Variants in TBK1 observed in about 807,000 individuals in gnomAD.
The protein encoded by TBK1 is TANK binding kinase 1.
A neutral mutation model predicts 99.9 loss-of-function variants in TBK1; 37 were observed. That is an observed-to-expected ratio of 0.37 (90% confidence interval 0.28 to 0.49). TBK1 has a LOEUF of 0.49. TBK1 is among the 20% of genes least tolerant of loss of function. The pLI, the probability that TBK1 is intolerant of heterozygous loss-of-function variation, is 0.98. For missense variants in TBK1, 644 were observed against 872.5 expected, an observed-to-expected ratio of 0.74 and a Z score of 3.30; for synonymous variants, 258 against 279.8, an observed-to-expected ratio of 0.92 and a Z score of 0.78.
chr12:64,484,258 A>G, intron 8 of TBK1, 45 bp from the exon 9 acceptor site: 1 of 1,345,982 alleles, frequency 7.4e-7, no homozygotes, highest in Non-Finnish European at 1.0e-6. Flanking sequence ...TTTGCCTCTC[A>G]CTTTATCCCC....
intron 15 of TBK1, 44 bp from the exon 16 acceptor site, chr12:64,496,323 T>G (rs1159962874): frequency 1.0e-6 from 1 of 958,616 alleles, no homozygotes. Flanking sequence ...TGTATAATAT[T>G]ATGATTCTAT....
chr12:64,463,856 AGTTTTTTTTTTTT>A (rs929854757), intron 3 of TBK1, among the ~76,000 whole-genome samples: 2 of 117,116 alleles, frequency 1.7e-5, no homozygotes, highest in African/African-American at 6.1e-5. Context: ...GGAAAATGTT[AGTTTTTTTTTTTT>A]GTTTTTTTTT....
At chr12:64,497,511 T>C (rs1454921723) in intron 18 of TBK1, 137 bp from the exon 19 acceptor site, 1 of 630,542 alleles carries the variant, frequency 1.6e-6, no homozygotes, top group Admixed American at 3.6e-5. Context: ...TCATCGATAG[T>C]TTTGAAATCA....
chr12:64,475,611 C>T (rs1344764077), intron 6 of TBK1, among the ~76,000 whole-genome samples: 2 of 152,196 alleles, frequency 1.3e-5, no homozygotes, highest in South Asian at 2.1e-4. Flanking sequence ...GAGAACATAA[C>T]AGTATTTGGT....
Position 64,484,498 on chromosome 12 carries a change from A to G in TBK1, c.1188A>G (p.Lys396=). ...PLNTIGLIYE[K]ISLPKVHPRY... ...ATACCATAGGATTAATATATGAAAA[A>G]AGTAAGTTGGGATTTTTCTTGTCGT... is the stretch of plus-strand genomic sequence containing the variant. The change falls in exon 9 of 21, where the codon AAA becomes AAG. Residue 396 remains lysine (K), a splice_region_variant and synonymous_variant. Transcript: ENST00000331710. The G allele has an allele frequency of 1.3e-6, 2 of 1,592,442 alleles. No homozygotes were observed. The highest frequency in any genetic ancestry group is 1.7e-6 in the Non-Finnish European group (2 of 1,172,482).
chr12:64,463,748 G>A (rs1475205848), intron 3 of TBK1, among the ~76,000 whole-genome samples: 3 of 150,846 alleles, frequency 2.0e-5, no homozygotes, highest in Non-Finnish European at 4.4e-5. Flanking sequence ...CAAAACCATT[G>A]TAACATTGTA....
Position 64,473,391 on chromosome 12 carries a change from T to G in TBK1, c.541-839T>G, listed in dbSNP as rs968134528. Among the ~76,000 whole-genome samples the G allele has an allele frequency of 9.9e-5, 15 of 152,278 alleles. No homozygotes were observed. In the East Asian group the frequency reaches 2.7e-3, roughly 27 times the overall value. ...TGGGAAGCAGAGAATTGGGTAATTG[T>G]TGAAAGGAGTTTTGTGGTCAATTTA... On this transcript the variant is annotated intron_variant, in intron 5 of 20. Coordinates refer to ENST00000331710, the MANE Select transcript of TBK1 (RefSeq NM_013254.4).
intron 2 of TBK1, 71 bp from the exon 3 acceptor site, chr12:64,460,118 T>A: frequency 9.3e-7 from 1 of 1,073,338 alleles, no homozygotes; most frequent in Non-Finnish European, 1.3e-6. Flanking sequence ...CAATAGCGAG[T>A]TCTAATGCTA....
intron 5 of TBK1, 22 bp downstream of exon 5, chr12:64,467,104 T>A: frequency 6.6e-7 from 1 of 1,515,622 alleles, no homozygotes; most frequent in Non-Finnish European, 8.9e-7. Context: ...ATCACTAATA[T>A]TTTCATTTAA....
intron 13 of TBK1, among the ~76,000 whole-genome samples, chr12:64,494,314 GA>G (rs1208674971): frequency 7.0e-6 from 1 of 142,272 alleles, no homozygotes; most frequent in African/African-American, 2.6e-5. Flanking sequence ...AAAAAAAAAA[GA>G]AAAAAAAGAA....
chr12:64,460,936 C>T (rs1415245217), intron 3 of TBK1, among the ~76,000 whole-genome samples: 1 of 151,328 alleles, frequency 6.6e-6, no homozygotes, highest in Non-Finnish European at 1.5e-5. Flanking sequence ...CAAAAATTTG[C>T]CATGCATGGA....
At chr12:64,470,392 A>G (rs1288640214) in intron 5 of TBK1, among the ~76,000 whole-genome samples, 2 of 152,204 alleles carry the variant, frequency 1.3e-5, no homozygotes, top group Non-Finnish European at 1.5e-5. Flanking sequence ...AAGTAGTGAT[A>G]TATGCTTGCA....
intron 18 of TBK1, 85 bp from the exon 19 acceptor site, chr12:64,497,563 A>T: frequency 4.5e-6 from 4 of 883,396 alleles, no homozygotes; most frequent in Non-Finnish European, 6.9e-6. Flanking sequence ...AAGCTGTAAC[A>T]CTTGATGTCA....
chr12:64,499,335 G>A (rs1378878291), intron 20 of TBK1, among the ~76,000 whole-genome samples: 2 of 151,896 alleles, frequency 1.3e-5, no homozygotes, highest in Admixed American at 6.6e-5. Context: ...ATGAGCCACC[G>A]CACCCGGCCA....
In TBK1 at chr12:64,495,926, TA is replaced by T. The variant is rs369559731; in HGVS notation, c.1720+168del. 90,315 of 380,938 alleles carry T rather than the reference TA, an allele frequency of 0.24. 4,170 individuals are homozygous for T. Among genetic ancestry groups the T allele is most frequent in the African/African-American group, 0.38 (16,456 of 43,692 alleles). The allele number at this position is 380,938 out of a possible 1,614,324, so 23.6% of individuals were successfully genotyped here. A position where few individuals can be genotyped will look rare whatever the true frequency, so the allele number is the denominator to read the frequency against. On this transcript the variant is annotated intron_variant, in intron 15 of 20. Transcript: ENST00000331710. ...CTGTCAGGAAAAAGGTTGATTGTGT[TA>T]AAAAAAAAAAAAAAAACTATCCTTA... is the stretch of plus-strand genomic sequence containing the variant.
At chr12:64,480,843 G>A (rs1211958262) in intron 7 of TBK1, among the ~76,000 whole-genome samples, 1 of 152,134 alleles carries the variant, frequency 6.6e-6, no homozygotes, top group Admixed American at 6.5e-5. Context: ...TTGGACACAA[G>A]TTATGAATTA....
chr12:64,499,943 G>A lies in TBK1; in HGVS notation c.2139-1387G>A, dbSNP rs549975449. Among the ~76,000 whole-genome samples, 69 of 152,144 alleles carry A rather than the reference G, an allele frequency of 4.5e-4. 1 individual carries two copies. Among genetic ancestry groups the A allele is most frequent in the African/African-American group, 1.6e-3 (67 of 41,512 alleles). ...AATCTCTTGACCTCGTGATCCACCT[G>A]CCTCGGCCTCCCTGAGTGCTGAGAC... On this transcript the variant is annotated intron_variant, in intron 20 of 20. Transcript: ENST00000331710.
intron 13 of TBK1, 143 bp downstream of exon 13, chr12:64,490,262 C>T: frequency 2.0e-6 from 1 of 496,464 alleles, no homozygotes; most frequent in Non-Finnish European, 3.6e-6. Flanking sequence ...GCAGGAGGAT[C>T]ACTTGAGCTG....
intron 12 of TBK1, among the ~76,000 whole-genome samples, chr12:64,489,672 G>C (rs533409453): frequency 1.3e-5 from 2 of 150,104 alleles, no homozygotes; most frequent in Non-Finnish European, 3.0e-5. Context: ...AGGTTCAAGC[G>C]ATTCTCCTGC....
Sources: gnomAD v4.1 joint callset for allele counts (sites outside exome capture counted in the v4.1 genomes callset) on GRCh38, gnomAD v4.1.1 for gene constraint, MANE v1.5 for transcripts, NCBI Gene and HGNC (gene_info 2026-07-23, HGNC 2026-07-21) for gene names.